Variants in PARVB observed in about 807,000 individuals in gnomAD.
PARVB encodes the protein beta-parvin.
A neutral mutation model predicts 47.0 loss-of-function variants in PARVB; 46 were observed. That is an observed-to-expected ratio of 0.98 (90% confidence interval 0.77 to 1.25). PARVB has a LOEUF of 1.25. PARVB is among the 50% of genes most tolerant of loss of function. The pLI is 0.00. For synonymous variants in PARVB, 196 were observed against 196.3 expected, an observed-to-expected ratio of 1.00 and a Z score of 0.01; for missense variants, 473 against 471.6, an observed-to-expected ratio of 1.00 and a Z score of -0.03.
chr22:44,161,816 C>G (rs934303480), intron 11 of PARVB, among the ~76,000 whole-genome samples: 1 of 152,198 alleles, frequency 6.6e-6, no homozygotes, highest in East Asian at 1.9e-4. Flanking sequence ...CTGCACCCTC[C>G]GCACGGGCCG....
intron 4 of PARVB, among the ~76,000 whole-genome samples, chr22:44,130,251 C>T (rs2053280194): frequency 6.6e-6 from 1 of 152,206 alleles, no homozygotes; most frequent in Non-Finnish European, 1.5e-5. Flanking sequence ...AACCATCTCA[C>T]GATGCTCTGT....
Position 44,103,966 on chromosome 22 carries a change from G to C in PARVB, c.273+3843G>C, listed in dbSNP as rs986361466. ...GACTTTGACCTCTAGGACTGCAAGA[G>C]AATCCACTGAGCCGTTGGAAGCCCC... On this transcript the variant is annotated intron_variant, in intron 3 of 12. Coordinates refer to ENST00000338758, the MANE Select transcript of PARVB (RefSeq NM_013327.5). The surrounding 1 kb of genome is among the most constrained non-coding windows in gnomAD (Gnocchi z 4.6). 6.6e-6 allele frequency: 1 copy of C among 152,278 alleles called. No homozygotes were observed. The highest frequency in any genetic ancestry group is 6.5e-5 in the Admixed American group (1 of 15,288). The allele number at this position is 152,278 out of a possible 1,614,324, so 9.4% of individuals were successfully genotyped here.
At chr22:44,077,877 T>C (rs1418764880) in intron 1 of PARVB, among the ~76,000 whole-genome samples, 1 of 152,156 alleles carries the variant, frequency 6.6e-6, no homozygotes, top group East Asian at 1.9e-4. Flanking sequence ...TTTGTGTTTT[T>C]AGTTGAGACG....
rs151127522 is a variant in PARVB, at chr22:44,140,137, C to T, written c.706C>T (p.Arg236Trp). Reference protein sequence around the residue: ...LTTTTEMMMGRFERDAFDTLF... With the variant: ...LTTTTEMMMGWFERDAFDTLF... ...TCTTGTTTGCAGGATGATGATGGGCCGGTTCGGTAAGTAACCCCAGGGAAA... is the reference window on the plus strand; with the variant it reads ...TCTTGTTTGCAGGATGATGATGGGCTGGTTCGGTAAGTAACCCCAGGGAAA... The change falls in exon 8 of 13, where the codon CGG becomes TGG. Residue 236 changes from arginine to tryptophan, a missense_variant. Coordinates refer to ENST00000338758, the MANE Select transcript of PARVB (RefSeq NM_013327.5). 129 of 1,613,866 alleles carry T rather than the reference C, an allele frequency of 8.0e-5. No homozygotes were observed. Among genetic ancestry groups the T allele is most frequent in the Non-Finnish European group, 1.1e-4 (124 of 1,180,008 alleles).
Position 44,171,200 on chromosome 22 carries a change from A to C in PARVB, c.*2522A>C, listed in dbSNP as rs2054264961. The C allele has an allele frequency of 6.6e-6, 1 of 152,300 alleles. No individual in the cohort carries two copies. The highest frequency in any genetic ancestry group is 1.5e-5 in the Non-Finnish European group (1 of 68,116). 9.4% of individuals were successfully genotyped at this position (152,300 alleles called of 1,614,324 possible). On this transcript the variant is annotated 3_prime_UTR_variant, in exon 13 of 13. Transcript: ENST00000338758. Reference sequence around the variant, plus strand: ...TGCCTTCCCAGGGATTGGGATTTGAAAAGAACAGAGCTTGGCCAGGTGCGG... The same window carrying C: ...TGCCTTCCCAGGGATTGGGATTTGACAAGAACAGAGCTTGGCCAGGTGCGG...
chr22:44,109,578 G>A (rs1027196985), intron 3 of PARVB: 1 of 152,236 alleles, frequency 6.6e-6, no homozygotes, highest in Admixed American at 6.5e-5. Context: ...CCAGGAATAA[G>A]TTGTACCTCC....
intron 12 of PARVB, among the ~76,000 whole-genome samples, chr22:44,166,916 C>A (rs571509839): frequency 6.6e-6 from 1 of 152,210 alleles, no homozygotes; most frequent in South Asian, 2.1e-4. Flanking sequence ...CTCCCTGACA[C>A]CCTCCTCTGA....
At chr22:44,152,748 G>T (rs962865071) in intron 10 of PARVB, 1 of 151,980 alleles carries the variant, frequency 6.6e-6, no homozygotes, top group Non-Finnish European at 1.5e-5. Context: ...GACAAAATAT[G>T]ATTTTCCCAG....
intron 3 of PARVB, chr22:44,110,375 T>A (rs2052669187): frequency 6.6e-6 from 1 of 152,098 alleles, no homozygotes; most frequent in African/African-American, 2.4e-5. Flanking sequence ...CCTGGTATCC[T>A]TGTTAATATC....
rs57893038 is a variant in PARVB, at chr22:44,087,846, G to GTTTTTTTTTTTTTTTTTTTTT, written c.113-6065_113-6064insTTTTTTTTTTTTTTTTTTTTT. Reference sequence around the variant, plus strand: ...GTAATTCCAAATCAGGAACGATGGTGTTTTTTTTTTTTTTTTTCTTTTTTC... The same window carrying GTTTTTTTTTTTTTTTTTTTTT: ...GTAATTCCAAATCAGGAACGATGGTGTTTTTTTTTTTTTTTTTTTTTTTTTTTTTTTTTTTTTTCTTTTTTC... On this transcript the variant is annotated intron_variant, in intron 1 of 12. Transcript: ENST00000338758. Among the ~76,000 whole-genome samples the GTTTTTTTTTTTTTTTTTTTTT allele has an allele frequency of 1.2e-4, 15 of 121,290 alleles. 2 individuals are homozygous for GTTTTTTTTTTTTTTTTTTTTT. Among genetic ancestry groups the GTTTTTTTTTTTTTTTTTTTTT allele is most frequent in the East Asian group, 2.3e-4 (1 of 4,308 alleles). The allele number at this position is 121,290 out of a possible 152,430, so 79.6% of individuals were successfully genotyped here.
At chr22:44,036,886 C>T (rs1286566831) in intron 1 of PARVB, among the ~76,000 whole-genome samples, 1 of 151,800 alleles carries the variant, frequency 6.6e-6, no homozygotes, top group African/African-American at 2.4e-5. Context: ...GTGGGAGGCT[C>T]AGGTGGGAGG....
chr22:44,171,494 C>CAAA lies in PARVB; in HGVS notation c.*2826_*2828dup, dbSNP rs112562506. 0.15 allele frequency: 20,861 copies of CAAA among 138,872 alleles called. 1,907 individuals are homozygous for CAAA. The highest frequency in any genetic ancestry group is 0.26 in the Middle Eastern group (72 of 278). The allele number at this position is 138,872 out of a possible 1,614,324, so 8.6% of individuals were successfully genotyped here. A position where few individuals can be genotyped will look rare whatever the true frequency, so the allele number is the denominator to read the frequency against. ...TGAGCAACAGAGTGAGACTCTGTCTCAAAAAAAAAAAAGAAAGAAAAAAGA... is the reference window on the plus strand; with the variant it reads ...TGAGCAACAGAGTGAGACTCTGTCTCAAAAAAAAAAAAAAAGAAAGAAAAAAGA... On this transcript the variant is annotated 3_prime_UTR_variant, in exon 13 of 13. Coordinates refer to ENST00000338758, the MANE Select transcript of PARVB (RefSeq NM_013327.5).
chr22:44,046,965 G>C (rs552520892), intron 1 of PARVB, among the ~76,000 whole-genome samples: 73 of 151,970 alleles, frequency 4.8e-4, no homozygotes, highest in African/African-American at 1.7e-3. Flanking sequence ...GTCGGTGTGC[G>C]GGGGGTGGGG....
chr22:44,021,060 G>A (rs1281666549), upstream of PARVB, among the ~76,000 whole-genome samples: 1 of 152,208 alleles, frequency 6.6e-6, no homozygotes. Context: ...TGGGATTATA[G>A]ACGTGAGCCA....
upstream of PARVB, among the ~76,000 whole-genome samples, chr22:44,023,663 C>T (rs1393345848): frequency 6.6e-6 from 1 of 152,198 alleles, no homozygotes; most frequent in East Asian, 1.9e-4. Context: ...CCAACACATG[C>T]GAGGCCTGTC....
intron 1 of PARVB, among the ~76,000 whole-genome samples, chr22:44,062,731 G>A (rs756012202): frequency 6.6e-6 from 1 of 152,204 alleles, no homozygotes; most frequent in Non-Finnish European, 1.5e-5. Flanking sequence ...AGCAGAACAG[G>A]AGGAGGCACA....
intron 11 of PARVB, among the ~76,000 whole-genome samples, chr22:44,159,856 T>G (rs1297295240): frequency 6.6e-6 from 1 of 152,200 alleles, no homozygotes; most frequent in Admixed American, 6.5e-5. Context: ...TAATGTCTCC[T>G]GTGGGCTGAG....
chr22:44,142,181 G>A (rs1476944655), intron 8 of PARVB: 1 of 152,018 alleles, frequency 6.6e-6, no homozygotes. Flanking sequence ...ATCGAGACCA[G>A]CCTGGCTAAC....
At chr22:44,146,387 AC>A (rs2053682635) in intron 8 of PARVB, 1 of 152,008 alleles carries the variant, frequency 6.6e-6, no homozygotes. Flanking sequence ...GCACACGCAC[AC>A]ATGCTCACAC....
Sources: gnomAD v4.1 joint callset for allele counts (sites outside exome capture counted in the v4.1 genomes callset) on GRCh38, gnomAD v4.1.1 for gene constraint, Gnocchi (gnomAD v3.1) non-coding constraint, MANE v1.5 for transcripts, NCBI Gene and HGNC (gene_info 2026-07-23, HGNC 2026-07-21) for gene names.